CADM2: variants seen among roughly 807,000 people sequenced by gnomAD.
The protein encoded by CADM2 is cell adhesion molecule 2.
Under a neutral mutation model 49.8 loss-of-function variants are expected in CADM2, and 12 were observed. That is an observed-to-expected ratio of 0.24 (90% CI 0.15 to 0.39). The LOEUF is 0.39. CADM2 is among the 10% of genes least tolerant of loss of function. The pLI is 1.00. For synonymous variants in CADM2, 214 were observed against 175.4 expected (o/e 1.22, Z -1.74); for missense variants, 378 against 492.3 (o/e 0.77, Z 2.20).
rs72913062 is a variant in CADM2 at position 85,215,891 on chromosome 3, C to G, written c.61+256223C>G. Among the ~76,000 whole-genome samples, 980 of 152,108 alleles carry G rather than the reference C, an allele frequency of 6.4e-3. 14 individuals are homozygous for G. Among genetic ancestry groups the G allele is most frequent in the African/African-American group, 0.022 (916 of 41,492 alleles). ...CAAAATCTGACCATCACTGTGTTCT[C>G]CCTCCCACAAGCACACAGGTTCTCT... is the stretch of plus-strand genomic sequence containing the variant. On this transcript the variant is annotated intron_variant, in intron 1 of 9. Transcript: ENST00000383699.
At chr3:85,878,950 T>G (rs1712333505) in intron 3 of CADM2, among the ~76,000 whole-genome samples, 1 of 151,888 alleles carries the variant, frequency 6.6e-6, no homozygotes, top group Non-Finnish European at 1.5e-5. Flanking sequence ...AGCAGGAATT[T>G]GAGATTTTTC....
At chr3:85,947,869 T>C (rs1054895250) in intron 7 of CADM2, among the ~76,000 whole-genome samples, 1 of 151,528 alleles carries the variant, frequency 6.6e-6, no homozygotes, top group Non-Finnish European at 1.5e-5. Context: ...ATCACGATTA[T>C]AGATCCATAG....
At chr3:85,991,944 C>T (rs1400057097) in intron 8 of CADM2, among the ~76,000 whole-genome samples, 1 of 151,990 alleles carries the variant, frequency 6.6e-6, no homozygotes, top group African/African-American at 2.4e-5. Flanking sequence ...TTGAAATACA[C>T]TAAAACTTTT....
At chr3:85,741,396 G>T (rs756159438) in intron 2 of CADM2, among the ~76,000 whole-genome samples, 1 of 152,016 alleles carries the variant, frequency 6.6e-6, no homozygotes, top group African/African-American at 2.4e-5. Context: ...TCAGCCTGGC[G>T]TGGTGGCTCA....
At chr3:85,496,199 C>T (rs972121052) in intron 1 of CADM2, among the ~76,000 whole-genome samples, 1 of 152,078 alleles carries the variant, frequency 6.6e-6, no homozygotes, top group African/African-American at 2.4e-5. Flanking sequence ...CTTTTCCTCT[C>T]TCCCTCCTTC....
At chr3:85,562,672 A>G (rs1030674201) in intron 1 of CADM2, among the ~76,000 whole-genome samples, 8 of 151,974 alleles carry the variant, frequency 5.3e-5, no homozygotes, top group Non-Finnish European at 8.8e-5. Context: ...CTCTTTCTCT[A>G]TTCACCTTTT....
At chr3:85,879,893 G>A (rs1009094654) in intron 3 of CADM2, among the ~76,000 whole-genome samples, 1 of 152,076 alleles carries the variant, frequency 6.6e-6, no homozygotes, top group African/African-American at 2.4e-5. Context: ...TCTAGACAAT[G>A]TTGTTACATG....
chr3:86,049,876 T>G (rs1737143290), intron 8 of CADM2, among the ~76,000 whole-genome samples: 1 of 152,012 alleles, frequency 6.6e-6, no homozygotes, highest in African/African-American at 2.4e-5. Flanking sequence ...ATTCTTGGGG[T>G]TACAATCCAA....
intron 5 of CADM2, among the ~76,000 whole-genome samples, chr3:85,912,069 G>A (rs987702155): frequency 1.3e-5 from 2 of 151,688 alleles, no homozygotes; most frequent in South Asian, 2.1e-4. Flanking sequence ...TCAGCCTCCC[G>A]AGTAGCTGGG....
At chr3:85,837,241 G>A (rs1398468589) in intron 3 of CADM2, among the ~76,000 whole-genome samples, 1 of 151,530 alleles carries the variant, frequency 6.6e-6, no homozygotes, top group Non-Finnish European at 1.5e-5. Context: ...TTCACTTCTT[G>A]AAATGTATAA....
chr3:85,093,494 A>C (rs576592216), intron 1 of CADM2, among the ~76,000 whole-genome samples: 1 of 148,822 alleles, frequency 6.7e-6, no homozygotes, highest in South Asian at 2.1e-4. Flanking sequence ...CTCAAAAAGA[A>C]AAAAAAAAAA....
chr3:86,012,708 G>C (rs572450127), intron 8 of CADM2: 30 of 1,071,750 alleles, frequency 2.8e-5, no homozygotes, highest in South Asian at 1.0e-4. Flanking sequence ...ACACCTGATC[G>C]GCTGGGCGCG....
chr3:85,744,183 C>A (rs2068516133), intron 2 of CADM2, among the ~76,000 whole-genome samples: 1 of 151,928 alleles, frequency 6.6e-6, no homozygotes, highest in Non-Finnish European at 1.5e-5. Flanking sequence ...ATGGAGAGTA[C>A]AATGATGGTT....
chr3:85,380,313 T>C (rs1244743356), intron 1 of CADM2, among the ~76,000 whole-genome samples: 3 of 152,098 alleles, frequency 2.0e-5, no homozygotes, highest in East Asian at 3.9e-4. Context: ...GATTTTTTTA[T>C]ATACACAATA....
chr3:85,348,196 T>A (rs980891895), intron 1 of CADM2, among the ~76,000 whole-genome samples: 3 of 152,188 alleles, frequency 2.0e-5, no homozygotes, highest in African/African-American at 7.2e-5. Flanking sequence ...ATTGCAAAAC[T>A]GCTGAAGTGT....
At chr3:85,501,764 T>C (rs1559872407) in intron 1 of CADM2, among the ~76,000 whole-genome samples, 1 of 152,178 alleles carries the variant, frequency 6.6e-6, no homozygotes, top group Non-Finnish European at 1.5e-5. Flanking sequence ...CGTTTAATAC[T>C]TTGCCAGTGG....
chr3:85,812,964 G>A (rs1392591321), intron 3 of CADM2, among the ~76,000 whole-genome samples: 1 of 152,098 alleles, frequency 6.6e-6, no homozygotes, highest in Non-Finnish European at 1.5e-5. Context: ...GGACATTCGG[G>A]TTGGTTCCAA....
chr3:86,028,563 G>A (rs548603011), intron 8 of CADM2, among the ~76,000 whole-genome samples: 32 of 152,218 alleles, frequency 2.1e-4, no homozygotes, highest in African/African-American at 7.5e-4. Flanking sequence ...CTCTTTTAGA[G>A]AAAATCTTCT....
At chr3:86,040,497 A>T (rs981240436) in intron 8 of CADM2, among the ~76,000 whole-genome samples, 1 of 152,208 alleles carries the variant, frequency 6.6e-6, no homozygotes, top group Non-Finnish European at 1.5e-5. Context: ...CGGAAGATCA[A>T]ATGAATTAAA....
Sources: gnomAD v4.1 joint callset for allele counts (sites outside exome capture counted in the v4.1 genomes callset) on GRCh38, gnomAD v4.1.1 for gene constraint, MANE v1.5 for transcripts, NCBI Gene and HGNC (gene_info 2026-07-23, HGNC 2026-07-21) for gene names.